Variants in CFAP47 observed in about 807,000 individuals in gnomAD.
CFAP47 encodes cilia- and flagella-associated protein 47.
In CFAP47, 29 loss-of-function variants were observed where a neutral mutation model predicts 148.1. That is an observed-to-expected ratio of 0.20 (90% CI 0.15 to 0.27). The LOEUF is 0.27. Among genes scored for constraint, CFAP47 ranks in the 10% least tolerant of loss-of-function variants. The pLI, the probability that CFAP47 is intolerant of heterozygous loss-of-function variation, is 1.00. For synonymous variants in CFAP47, 664 were observed against 577.3 expected (o/e 1.15, Z -2.15); for missense variants, 1,872 against 1,697.5 (o/e 1.10, Z -1.81).
chrX:36,057,668 T>A (rs1029147493), intron 26 of CFAP47, among the ~76,000 whole-genome samples: 1 of 111,753 alleles, frequency 8.9e-6, no homozygotes, highest in Non-Finnish European at 1.9e-5. Context: ...AAATTCATTA[T>A]GTTTTATAAT....
At chrX:36,120,570 A>C (rs1174908408) in intron 33 of CFAP47, among the ~76,000 whole-genome samples, 1 of 111,232 alleles carries the variant, frequency 9.0e-6, no homozygotes, top group Non-Finnish European at 1.9e-5. Context: ...TTTCCATTAT[A>C]ATTTATTTCA....
At chrX:36,282,371 T>G (rs1486835768) in intron 50 of CFAP47, among the ~76,000 whole-genome samples, 1 of 110,740 alleles carries the variant, frequency 9.0e-6, no homozygotes, top group Non-Finnish European at 1.9e-5. Flanking sequence ...TCAGAAGAAT[T>G]TGAAGGAAAA....
At chrX:36,373,384 C>T (rs187232379) in intron 62 of CFAP47, among the ~76,000 whole-genome samples, 1 of 110,695 alleles carries the variant, frequency 9.0e-6, no homozygotes, top group East Asian at 2.8e-4. Flanking sequence ...GTTGATTTTT[C>T]ATCCATCAAT....
At chrX:36,089,369 C>G (rs1473039211) in intron 30 of CFAP47, among the ~76,000 whole-genome samples, 1 of 108,557 alleles carries the variant, frequency 9.2e-6, no homozygotes, top group Non-Finnish European at 1.9e-5. Context: ...AACTCCATCT[C>G]AAAAAATAAA....
chrX:36,000,552 C>CTAA (rs1443853067), intron 20 of CFAP47, 125 bp downstream of exon 20: 33 of 260,431 alleles, frequency 1.3e-4, no homozygotes, highest in African/African-American at 8.7e-4. Context: ...ATGACCACTG[C>CTAA]ATGTTTTTCT....
intron 15 of CFAP47, among the ~76,000 whole-genome samples, chrX:35,976,150 A>C (rs972569926): frequency 2.7e-5 from 3 of 110,402 alleles, no homozygotes; most frequent in Admixed American, 1.9e-4. Flanking sequence ...ACAGAGAGAG[A>C]GAGATAAAGA....
chrX:36,217,763 A>G (rs995588676), intron 45 of CFAP47, among the ~76,000 whole-genome samples: 4 of 112,402 alleles, frequency 3.6e-5, no homozygotes, highest in Non-Finnish European at 7.5e-5. Flanking sequence ...ATAATGTAAC[A>G]TAACCAATTC....
chrX:36,345,362 C>T (rs1231880941), intron 57 of CFAP47, among the ~76,000 whole-genome samples: 4 of 111,196 alleles, frequency 3.6e-5, no homozygotes, highest in Admixed American at 9.6e-5. Context: ...GACTGTTCTG[C>T]CTCAGATCAT....
At chrX:36,228,429 C>T (rs1020504012) in intron 45 of CFAP47, among the ~76,000 whole-genome samples, 199 bp from the exon 46 acceptor site, 2 of 110,732 alleles carry the variant, frequency 1.8e-5, no homozygotes, top group Non-Finnish European at 3.8e-5. Context: ...GTTCTCTGAC[C>T]AGTGCAGTAT....
intron 44 of CFAP47, among the ~76,000 whole-genome samples, chrX:36,203,263 A>G (rs1555988342): frequency 3.6e-5 from 4 of 112,124 alleles, no homozygotes; most frequent in Non-Finnish European, 7.5e-5. Flanking sequence ...TTTATGTTCA[A>G]CTTTCAGTAC....
Position 36,175,973 on chromosome X carries a change from C to A in CFAP47, c.6027-3372C>A, listed in dbSNP as rs1269314676. ...CGAGACTCCGTGGGCGTAGGACCCT[C>A]CGAGCCAGGTGCGGGATATAATCTC... is the stretch of plus-strand genomic sequence containing the variant. On this transcript the variant is annotated intron_variant, in intron 39 of 63. Transcript: ENST00000378653. Among the ~76,000 whole-genome samples, 6 of 112,712 alleles carry A rather than the reference C, an allele frequency of 5.3e-5. No individual in the cohort carries two copies. The East Asian group carries it at 1.7e-3, about 32-fold the overall frequency.
At chrX:36,076,493 G>A (rs1409679902) in intron 29 of CFAP47, among the ~76,000 whole-genome samples, 1 of 110,102 alleles carries the variant, frequency 9.1e-6, no homozygotes. Flanking sequence ...GTTTAGTAAT[G>A]TTGAGCACTT....
At chrX:36,365,220 A>T (rs2146993382) in intron 61 of CFAP47, among the ~76,000 whole-genome samples, 1 of 110,129 alleles carries the variant, frequency 9.1e-6, no homozygotes, top group Admixed American at 9.8e-5. Context: ...TGAATGTGTT[A>T]AGTTTAAGAT....
At chrX:36,041,545 C>T (rs765461572) in intron 25 of CFAP47, among the ~76,000 whole-genome samples, 7 of 111,000 alleles carry the variant, frequency 6.3e-5, no homozygotes, top group Admixed American at 4.8e-4. Flanking sequence ...AATAATAATG[C>T]GGCCTAATTT....
intron 33 of CFAP47, among the ~76,000 whole-genome samples, chrX:36,117,349 G>A (rs1938659459): frequency 9.0e-6 from 1 of 111,677 alleles, no homozygotes; most frequent in Admixed American, 9.5e-5. Flanking sequence ...CATAGTGATT[G>A]TACTAATTTA....
At chrX:36,148,907 G>GTGTGTGTA (rs1282402434) in intron 36 of CFAP47, among the ~76,000 whole-genome samples, 45 of 107,505 alleles carry the variant, frequency 4.2e-4, no homozygotes, top group African/African-American at 1.5e-3. Flanking sequence ...ATGTATGTGT[G>GTGTGTGTA]TGTGTGTGTG....
chrX:36,250,336 A>G (rs984506284), intron 48 of CFAP47, among the ~76,000 whole-genome samples: 3 of 111,136 alleles, frequency 2.7e-5, no homozygotes, highest in Non-Finnish European at 5.7e-5. Context: ...CATGATCTCA[A>G]TTATATGTGG....
At position 36,186,636 on chromosome X, in the gene CFAP47, G is replaced by T. The variant is rs782237366; in HGVS notation, c.6105-1984G>T. The stretch of plus-strand genomic sequence containing the variant: ...GATAAACATCTCCCTAACCCTTTTG[G>T]TAGAGGTTTGAGTAGGAAATCACTT... On this transcript the variant is annotated intron_variant, in intron 40 of 63. Transcript: ENST00000378653. Among the ~76,000 whole-genome samples, 6 of 111,565 alleles carry T rather than the reference G, an allele frequency of 5.4e-5. 1 individual carries two copies. The South Asian group carries it at 2.2e-3, about 42-fold the overall frequency.
At chrX:36,183,732 G>A (rs1602033820) in intron 40 of CFAP47, among the ~76,000 whole-genome samples, 1 of 111,652 alleles carries the variant, frequency 9.0e-6, no homozygotes, top group East Asian at 2.8e-4. Flanking sequence ...TTTATGTTGT[G>A]GGGACATGAT....
Sources: allele counts gnomAD v4.1 joint callset (sites outside exome capture counted in the v4.1 genomes callset), GRCh38; gene constraint gnomAD v4.1.1; transcripts MANE v1.5; gene names NCBI Gene and HGNC (gene_info 2026-07-23, HGNC 2026-07-21).